Variants in SERPINA7 observed in about 807,000 individuals in gnomAD.
The protein encoded by SERPINA7 is serpin family A member 7.
SERPINA7 carries 14 observed loss-of-function variants against 16.0 expected under a neutral mutation model. The ratio of observed to expected loss-of-function variants is 0.88; its 90% CI spans 0.58 to 1.37. SERPINA7 has a LOEUF of 1.37. SERPINA7 is among the 40% of genes most tolerant of loss of function. SERPINA7 has a pLI of 0.00. For synonymous variants in SERPINA7, 140 were observed against 111.0 expected (o/e 1.26, Z -1.65); for missense variants, 335 against 296.6 (o/e 1.13, Z -0.95).
In SERPINA7 at chrX:106,034,793, G is replaced by T. The variant is rs186765037; in HGVS notation, c.896+319C>A. Among the ~76,000 whole-genome samples the T allele has an allele frequency of 2.1e-3, 237 of 111,546 alleles. 1 individual carries two copies. Among genetic ancestry groups the T allele is most frequent in the Non-Finnish European group, 4.1e-3 (218 of 53,020 alleles). On this transcript the variant is annotated intron_variant, in intron 3 of 4. Transcript: ENST00000372563. ...CCAACCTGTTCTTTGAGCTCTAGTT[G>T]GTCTACAGGAAGCCATCAATTTACT...
rs2041451619 is a variant in SERPINA7 at position 106,036,598 on chromosome X, T to C, written c.461A>G (p.Tyr154Cys). The C allele has an allele frequency of 1.7e-6, 2 of 1,210,995 alleles. No individual in the cohort carries two copies. Among genetic ancestry groups the C allele is most frequent in the Non-Finnish European group, 2.2e-6 (2 of 895,079 alleles). Residue 154 changes from tyrosine to cysteine, a missense_variant, in exon 2 of 5, where the codon TAT becomes TGT. By Grantham distance (194) the Tyr-to-Cys change is radical. Coordinates refer to ENST00000372563, the MANE Select transcript of SERPINA7 (RefSeq NM_000354.6). The part of the protein sequence containing the change: ...AKFLNDVKTL[Y>C]ETEVFSTDFS... ...GTCGGTAGAAAAGACTTCAGTCTCA[T>C]AGAGGGTCTTGACATCATTCAAGAA...
Position 106,035,126 on chromosome X carries a change from G to A in SERPINA7, c.882C>T (p.Arg294=), listed in dbSNP as rs763883530. The part of the protein sequence containing the change: ...MSSKTLKKWN[R]LLQKGWVDLF... ...AAGGCATTTACCCCTTCTGTAGTAAGCGGTTCCACTTCTTCAGTGTTTTAG... is the reference window on the plus strand; with the variant it reads ...AAGGCATTTACCCCTTCTGTAGTAAACGGTTCCACTTCTTCAGTGTTTTAG... Residue 294 remains arginine, a synonymous_variant, in exon 3 of 5, where the codon CGC becomes CGT. Coordinates refer to ENST00000372563, the MANE Select transcript of SERPINA7 (RefSeq NM_000354.6). 2.5e-6 allele frequency: 3 copies of A among 1,211,295 alleles called. No homozygotes were observed. Among genetic ancestry groups the A allele is most frequent in the Non-Finnish European group, 3.4e-6 (3 of 895,223 alleles).
At chrX:106,033,938 C>T (rs2041428360) in intron 4 of SERPINA7, among the ~76,000 whole-genome samples, 1 of 112,324 alleles carries the variant, frequency 8.9e-6, no homozygotes, top group Admixed American at 9.4e-5. Flanking sequence ...CAGGAGTCAC[C>T]TCTTAAGCAT....
In SERPINA7 at chrX:106,036,799, C is replaced by T. The variant is rs2041454554; in HGVS notation, c.260G>A (p.Ser87Asn). The change falls in exon 2 of 5, where the codon AGC becomes AAC. Residue 87 changes from serine to asparagine, a missense_variant. By Grantham distance (46) the Ser-to-Asn change is conservative (BLOSUM62 1). Transcript: ENST00000372563. ...GGTCTCCACAATCTCAGTTTGGGTG[C>T]TGCAGCAGGCCCCAAAGGAAAGCAT... is the stretch of plus-strand genomic sequence containing the variant. ...LVMLSFGACC[S>N]TQTEIVETLG... is the part of the protein sequence containing the mutation. 8.3e-7 allele frequency: 1 copy of T among 1,208,961 alleles called. No individual in the cohort carries two copies. Among genetic ancestry groups the T allele is most frequent in the African/African-American group, 1.8e-5 (1 of 56,935 alleles).
intron 1 of SERPINA7, chrX:106,037,354 G>A: frequency 3.4e-6 from 1 of 296,742 alleles, no homozygotes; most frequent in Non-Finnish European, 5.9e-6. Context: ...AACGCTGTGA[G>A]TAAATTAAAT....
At chrX:106,036,339 C>T (rs1033309391) in intron 2 of SERPINA7, 98 bp downstream of exon 2, 37 of 899,570 alleles carry the variant, frequency 4.1e-5, no homozygotes, top group Non-Finnish European at 5.8e-5. Flanking sequence ...GTATGAGGGA[C>T]ACCTACTGAT....
chrX:106,037,601 G>A (rs2041462007), intron 1 of SERPINA7, among the ~76,000 whole-genome samples: 1 of 111,089 alleles, frequency 9.0e-6, no homozygotes, highest in African/African-American at 3.3e-5. Flanking sequence ...TGATTAGTTG[G>A]AATGGATGGG....
In SERPINA7 at chrX:106,036,774, G is replaced by C. The variant is rs1204847629; in HGVS notation, c.285C>G (p.Thr95=). Residue 95 remains threonine (T), a synonymous_variant, in exon 2 of 5, where the codon ACC becomes ACG. Transcript: ENST00000372563. Reference sequence around the variant, plus strand: ...GAGTGTCTGTGAGGTTGAACCCCAAGGTCTCCACAATCTCAGTTTGGGTGC... The same window carrying C: ...GAGTGTCTGTGAGGTTGAACCCCAACGTCTCCACAATCTCAGTTTGGGTGC... The part of the protein sequence containing the change: ...CCSTQTEIVE[T]LGFNLTDTPM... The C allele has an allele frequency of 6.6e-6, 8 of 1,208,812 alleles. No homozygotes were observed. The highest frequency in any genetic ancestry group is 6.7e-6 in the Non-Finnish European group (6 of 894,760).
chrX:106,033,102 C>A lies in SERPINA7; in HGVS notation c.*398G>T. ...TGAGAAGTTCACATATAAGACAATG[C>A]ATCTGCATTGTTTTATGTCCATTGA... On this transcript the variant is annotated 3_prime_UTR_variant, in exon 5 of 5. Transcript: ENST00000372563. 4.7e-6 allele frequency: 1 copy of A among 214,053 alleles called. No individual in the cohort carries two copies. Among genetic ancestry groups the A allele is most frequent in the African/African-American group, 2.9e-5 (1 of 34,301 alleles). 17.6% of individuals were successfully genotyped at this position (214,053 alleles called of 1,213,427 possible). A position where few individuals can be genotyped will look rare whatever the true frequency, so the allele number is the denominator to read the frequency against.
At position 106,036,586 on chromosome X, in the gene SERPINA7, A is replaced by T. The variant is rs770595393; in HGVS notation, c.473T>A (p.Val158Asp). 3 of 1,211,091 alleles carry T rather than the reference A, an allele frequency of 2.5e-6. No individual in the cohort carries two copies. Among genetic ancestry groups the T allele is most frequent in the Admixed American group, 2.2e-5 (1 of 45,943 alleles). ...AATGTTGGAGAAGTCGGTAGAAAAG[A>T]CTTCAGTCTCATAGAGGGTCTTGAC... ...NDVKTLYETE[V>D]FSTDFSNISA... The change falls in exon 2 of 5, where the codon GTC becomes GAC. Residue 158 changes from valine (V) to aspartate (D), a missense_variant. Val to Asp is a radical substitution (Grantham distance 152). Coordinates refer to ENST00000372563, the MANE Select transcript of SERPINA7 (RefSeq NM_000354.6).
chrX:106,036,670 A>G lies in SERPINA7; in HGVS notation c.389T>C (p.Ile130Thr), dbSNP rs1569337657. 6.6e-6 allele frequency: 8 copies of G among 1,210,977 alleles called. No individual in the cohort carries two copies. Among genetic ancestry groups the G allele is most frequent in the Non-Finnish European group, 8.9e-6 (8 of 895,176 alleles). The change falls in exon 2 of 5, where the codon ATA becomes ACA. Residue 130 changes from isoleucine (I) to threonine (T), a missense_variant. Coordinates refer to ENST00000372563, the MANE Select transcript of SERPINA7 (RefSeq NM_000354.6). ...NFPKKELELQ[I>T]GNALFIGKHL... The stretch of plus-strand genomic sequence containing the variant: ...CTTGCCAATGAAGAGGGCATTTCCT[A>G]TCTGCAATTCCAGTTCCTTCTTTGG...
Position 106,033,524 on chromosome X carries a change from T to A in SERPINA7, c.1224A>T (p.Lys408Asn). 1 of 1,211,622 alleles carries A rather than the reference T, an allele frequency of 8.3e-7. No individual in the cohort carries two copies. Among genetic ancestry groups the A allele is most frequent in the Non-Finnish European group, 1.1e-6 (1 of 895,227 alleles). ...ACTACGCTTCCGTTGGGTTCACAAC[T>A]TTCCCTAGAAAGAGAATACTCCTTG... ...RSTRSILFLG[K>N]VVNPTEA Residue 408 changes from lysine (K) to asparagine (N), a missense_variant, in exon 5 of 5, where the codon AAA (lysine) becomes AAT (asparagine). By Grantham distance (94) the Lys-to-Asn change is moderately conservative. Coordinates refer to ENST00000372563, the MANE Select transcript of SERPINA7 (RefSeq NM_000354.6).
rs1272222382 is a variant in SERPINA7 at position 106,036,940 on chromosome X, T to C, written c.119A>G (p.Tyr40Cys). The C allele has an allele frequency of 2.5e-6, 3 of 1,211,411 alleles. No individual in the cohort carries two copies. The highest frequency in any genetic ancestry group is 3.4e-6 in the Non-Finnish European group (3 of 895,244). Residue 40 changes from tyrosine (Y) to cysteine (C), a missense_variant, in exon 2 of 5, where the codon TAC becomes TGC. By Grantham distance (194) the Tyr-to-Cys change is radical (BLOSUM62 -2). Transcript: ENST00000372563. ...GTCAGCATTAATGGATGACATCTTG[T>C]AGAGAGTGGCATTTGGTTGGGATGA... is the stretch of plus-strand genomic sequence containing the variant. ...CHSSQPNATL[Y>C]KMSSINADFA...
At position 106,032,891 on chromosome X, in the gene SERPINA7, G is replaced by A. The variant is rs749599255; in HGVS notation, c.*609C>T. The A allele has an allele frequency of 8.8e-5, 10 of 113,871 alleles. No homozygotes were observed. Among genetic ancestry groups the A allele is most frequent in the Admixed American group, 8.1e-4 (9 of 11,053 alleles). The allele number at this position is 113,871 out of a possible 1,213,427, so 9.4% of individuals were successfully genotyped here. A position where few individuals can be genotyped will look rare whatever the true frequency, so the allele number is the denominator to read the frequency against. On this transcript the variant is annotated 3_prime_UTR_variant, in exon 5 of 5. Transcript: ENST00000372563. ...GGCAAGGTGGAAGTATGTTTTCTTG[G>A]GGGGAAGGTGGGGTTGGACAGGCAA...
rs1249070697 is a variant in SERPINA7 at position 106,037,703 on chromosome X, G to T, written c.-17-628C>A. Among the ~76,000 whole-genome samples, 3 of 111,340 alleles carry T rather than the reference G, an allele frequency of 2.7e-5. No homozygotes were observed. The Admixed American group carries it at 2.9e-4, about 11-fold the overall frequency. On this transcript the variant is annotated intron_variant, in intron 1 of 4. Transcript: ENST00000372563. ...CCATAGAGGTATTTTCGAACAACCA[G>T]AAAATGAAAGAATAATTTTCTAAAT...
In SERPINA7 at chrX:106,033,029, C is replaced by T. The variant is rs139421586; in HGVS notation, c.*471G>A. The T allele has an allele frequency of 2.0e-5, 3 of 150,626 alleles. No homozygotes were observed. In the Admixed American group the frequency reaches 2.3e-4, roughly 12 times the overall value. The allele number at this position is 150,626 out of a possible 1,213,427, so 12.4% of individuals were successfully genotyped here. A position where few individuals can be genotyped will look rare whatever the true frequency, so the allele number is the denominator to read the frequency against. On this transcript the variant is annotated 3_prime_UTR_variant, in exon 5 of 5. Transcript: ENST00000372563. ...TTTATTCAACCTACCAGTGTCAGAT[C>T]TGGCAAGAACTCAGAGAATCCTACT...
rs1245320993 is a variant in SERPINA7, at chrX:106,032,878, G to T, written c.*622C>A. The T allele has an allele frequency of 1.7e-5, 2 of 114,547 alleles. No individual in the cohort carries two copies. Among genetic ancestry groups the T allele is most frequent in the Admixed American group, 8.9e-5 (1 of 11,177 alleles). The allele number at this position is 114,547 out of a possible 1,213,427, so 9.4% of individuals were successfully genotyped here. A position where few individuals can be genotyped will look rare whatever the true frequency, so the allele number is the denominator to read the frequency against. On this transcript the variant is annotated 3_prime_UTR_variant, in exon 5 of 5. Transcript: ENST00000372563. ...CAGCTTATACATTGGCAAGGTGGAA[G>T]TATGTTTTCTTGGGGGGAAGGTGGG...
rs775071531 is a variant in SERPINA7, at chrX:106,034,236, T to C, written c.1043A>G (p.Asn348Ser). Reference sequence around the variant, plus strand: ...AAGAACTCTAGTTTATCAACTTACATTGGAAAGTTTCAGACCATTGTCCTC... The same window carrying C: ...AAGAACTCTAGTTTATCAACTTACACTGGAAAGTTTCAGACCATTGTCCTC... ...LTEDNGLKLS[N>S]AAHKAVLHIG... is the part of the protein sequence containing the mutation. Residue 348 changes from asparagine to serine, a missense_variant and splice_region_variant, in exon 4 of 5, where the codon AAT becomes AGT. Transcript: ENST00000372563. 4.1e-6 allele frequency: 5 copies of C among 1,208,483 alleles called. No individual in the cohort carries two copies. In the African/African-American group the frequency reaches 5.2e-5, roughly 13 times the overall value.
Position 106,036,992 on chromosome X carries a change from G to A in SERPINA7, c.67C>T (p.Pro23Ser), listed in dbSNP as rs759880349. ...TGGCAGGCTGTTACTTTGCCTTCAG[G>A]TGATGCACAGTGGATTGTAGCATGA... Reference protein sequence around the residue: ...GLHATIHCASPEGKVTACHSS... With the variant: ...GLHATIHCASSEGKVTACHSS... The change falls in exon 2 of 5, where the codon CCT becomes TCT. Residue 23 changes from proline (P) to serine (S), a missense_variant. Transcript: ENST00000372563. 1 of 1,208,550 alleles carries A rather than the reference G, an allele frequency of 8.3e-7. No homozygotes were observed. Among genetic ancestry groups the A allele is most frequent in the Non-Finnish European group, 1.1e-6 (1 of 893,023 alleles).
Sources: gnomAD v4.1 joint callset for allele counts (sites outside exome capture counted in the v4.1 genomes callset) on GRCh38, gnomAD v4.1.1 for gene constraint, MANE v1.5 for transcripts, NCBI Gene and HGNC (gene_info 2026-07-23, HGNC 2026-07-21) for gene names.